Variants in DPCD observed in about 807,000 individuals in gnomAD.
DPCD encodes protein DPCD.
Under a neutral mutation model 26.4 loss-of-function variants are expected in DPCD, and 20 were observed. The observed-to-expected ratio is 0.76, with a 90% CI of 0.53 to 1.10. DPCD has a LOEUF of 1.10. Among genes scored for constraint, DPCD ranks in the 50% least tolerant of loss-of-function variants. The pLI is 0.00. For synonymous variants in DPCD, 97 were observed against 94.2 expected (o/e 1.03, Z -0.17); for missense variants, 202 against 253.9 (o/e 0.80, Z 1.39).
At chr10:101,591,738 A>G (rs1272746482) in intron 1 of DPCD, among the ~76,000 whole-genome samples, 3 of 152,098 alleles carry the variant, frequency 2.0e-5, no homozygotes, top group African/African-American at 7.2e-5. Flanking sequence ...CTGGAGTGCA[A>G]TGGCGCAATC....
At chr10:101,605,159 C>T (rs1325347972) in intron 4 of DPCD, 20 of 1,550,438 alleles carry the variant, frequency 1.3e-5, no homozygotes, top group Non-Finnish European at 1.7e-5. Flanking sequence ...TTGGAGGCTT[C>T]TCTGGACCCC....
chr10:101,607,827 C>T (rs950777874), intron 4 of DPCD, among the ~76,000 whole-genome samples: 1 of 152,206 alleles, frequency 6.6e-6, no homozygotes, highest in Non-Finnish European at 1.5e-5. Context: ...AGCCCCTGGC[C>T]AGAGCCTAAG....
At chr10:101,599,843 G>A (rs1447081002) in intron 2 of DPCD, among the ~76,000 whole-genome samples, 8 of 152,158 alleles carry the variant, frequency 5.3e-5, no homozygotes, top group South Asian at 2.1e-4. Context: ...GGGCAGCCCC[G>A]GATTCCAAAT....
chr10:101,589,754 C>T (rs1325231094), intron 1 of DPCD, among the ~76,000 whole-genome samples: 2 of 152,090 alleles, frequency 1.3e-5, no homozygotes, highest in Non-Finnish European at 2.9e-5. Context: ...TGTGGTGGTG[C>T]GCACCCGTAA....
intron 2 of DPCD, among the ~76,000 whole-genome samples, chr10:101,598,546 A>G (rs1386930277): frequency 6.6e-6 from 1 of 151,416 alleles, no homozygotes; most frequent in Non-Finnish European, 1.5e-5. Flanking sequence ...AAGGGTTGAA[A>G]GAGAGCAGTC....
intron 4 of DPCD, among the ~76,000 whole-genome samples, chr10:101,605,612 T>G (rs998156491): frequency 6.6e-6 from 1 of 152,176 alleles, no homozygotes; most frequent in Admixed American, 6.5e-5. Flanking sequence ...TTGAAGACTT[T>G]TGACATTCAG....
intron 1 of DPCD, among the ~76,000 whole-genome samples, chr10:101,589,451 G>T (rs915140323): frequency 7.9e-5 from 12 of 152,240 alleles, no homozygotes; most frequent in African/African-American, 2.9e-4. Flanking sequence ...GGGTCCTAAA[G>T]AATTAATAAG....
chr10:101,609,307 T>C (rs980556964), intron 5 of DPCD, 60 bp from the exon 6 acceptor site: 9 of 1,550,976 alleles, frequency 5.8e-6, no homozygotes, highest in Non-Finnish European at 7.1e-6. Flanking sequence ...GCCCCAAGTG[T>C]GTGTGGAAGG....
chr10:101,609,004 C>A, intron 5 of DPCD, 67 bp downstream of exon 5: 2 of 1,328,090 alleles, frequency 1.5e-6, no homozygotes, highest in Admixed American at 3.4e-5. Flanking sequence ...TGCCCACTTC[C>A]CATCCCATAA....
chr10:101,601,353 G>C lies in DPCD; in HGVS notation c.404+17G>C. 6.2e-7 allele frequency: 1 copy of C among 1,612,996 alleles called. No homozygotes were observed. Among genetic ancestry groups the C allele is most frequent in the South Asian group, 1.1e-5 (1 of 91,044 alleles). ...CAACAAGAAGTGAGTAGCGTGGAAG[G>C]CACCCTGTGTGCTTGTGTATGAGCG... On this transcript the variant is annotated intron_variant, in intron 4 of 5. Transcript: ENST00000370151.
chr10:101,597,777 A>G (rs1159097069), intron 2 of DPCD, among the ~76,000 whole-genome samples: 2 of 152,202 alleles, frequency 1.3e-5, no homozygotes, highest in Non-Finnish European at 2.9e-5. Flanking sequence ...TTGCCGCAGG[A>G]GCCGTCCTTG....
intron 1 of DPCD, chr10:101,588,613 C>G: frequency 7.2e-7 from 1 of 1,383,996 alleles, no homozygotes; most frequent in South Asian, 1.7e-5. Flanking sequence ...TCTACACCAT[C>G]TCGCTCCGCT....
chr10:101,599,911 C>T (rs971783489), intron 2 of DPCD, among the ~76,000 whole-genome samples: 2 of 152,210 alleles, frequency 1.3e-5, no homozygotes, highest in Non-Finnish European at 2.9e-5. Context: ...AAAGATCCCC[C>T]TGCAGTGATG....
intron 1 of DPCD, chr10:101,588,671 A>C: frequency 8.0e-7 from 1 of 1,257,798 alleles, no homozygotes; most frequent in Non-Finnish European, 1.0e-6. Flanking sequence ...TCATTATCTC[A>C]TTTGCTCCTC....
intron 1 of DPCD, among the ~76,000 whole-genome samples, chr10:101,593,009 T>TCAAAAAAAAAAAAAC (rs1554920602): frequency 1.4e-5 from 2 of 147,268 alleles, no homozygotes; most frequent in African/African-American, 2.5e-5. Flanking sequence ...CGAGACTCTG[T>TCAAAAAAAAAAAAAC]CAAAAAAAAA....
intron 4 of DPCD, 21 bp from the exon 5 acceptor site, chr10:101,608,814 G>A: frequency 6.3e-7 from 1 of 1,579,098 alleles, no homozygotes; most frequent in Non-Finnish European, 8.7e-7. Flanking sequence ...GTGCCCCAAT[G>A]GCCTCTCGGT....
intron 2 of DPCD, among the ~76,000 whole-genome samples, chr10:101,597,318 G>C (rs2063660712): frequency 6.6e-6 from 1 of 152,226 alleles, no homozygotes; most frequent in Admixed American, 6.5e-5. Context: ...GGCCTCCTCT[G>C]GGATGGGACA....
intron 2 of DPCD, among the ~76,000 whole-genome samples, chr10:101,597,015 C>T (rs757599424): frequency 3.9e-5 from 6 of 152,102 alleles, no homozygotes; most frequent in Admixed American, 2.6e-4. Context: ...CCTCTCAGTG[C>T]TATTCATTCC....
intron 4 of DPCD, among the ~76,000 whole-genome samples, chr10:101,602,934 G>T (rs915205634): frequency 6.6e-6 from 1 of 152,248 alleles, no homozygotes; most frequent in African/African-American, 2.4e-5. Flanking sequence ...ATATCCTCTG[G>T]GTCCCATCTC....
Sources: gnomAD v4.1 joint callset for allele counts (sites outside exome capture counted in the v4.1 genomes callset) on GRCh38, gnomAD v4.1.1 for gene constraint, MANE v1.5 for transcripts, NCBI Gene and HGNC (gene_info 2026-07-23, HGNC 2026-07-21) for gene names.